The following C16orf96 variants were observed in gnomAD, a reference collection of about 807,000 sequenced individuals.
C16orf96 encodes chromosome 16 open reading frame 96.
In C16orf96, 108 loss-of-function variants were observed where a neutral mutation model predicts 103.6. The observed-to-expected ratio is 1.04, with a 90% CI of 0.89 to 1.22. The LOEUF (loss-of-function observed/expected upper bound fraction) is 1.22. C16orf96 is among the 50% of genes most tolerant of loss of function. C16orf96 has a pLI of 0.00. For missense variants in C16orf96, 1,586 were observed against 1,464.2 expected (o/e 1.08, Z -1.36); for synonymous variants, 566 against 593.5 (o/e 0.95, Z 0.67).
At chr16:4,563,035 G>A in intron 1 of C16orf96, 1 of 932,794 alleles carries the variant, frequency 1.1e-6, no homozygotes, top group Non-Finnish European at 1.7e-6. Flanking sequence ...CTGCTCCTCT[G>A]TCAGAAGATG....
chr16:4,599,202 AGACTGC>A, intron 14 of C16orf96, 76 bp from the exon 15 acceptor site: 1 of 1,231,184 alleles, frequency 8.1e-7, no homozygotes, highest in African/African-American at 1.5e-5. Context: ...CACCAGAGGG[AGACTGC>A]CCAGTGCTGG....
intron 7 of C16orf96, among the ~76,000 whole-genome samples, chr16:4,583,907 A>G (rs1896851536): frequency 7.4e-6 from 1 of 134,508 alleles, no homozygotes; most frequent in Non-Finnish European, 1.6e-5. Flanking sequence ...CCTGGGCGAG[A>G]GAGCAAGACT....
chr16:4,588,679 G>A (rs1428789324), intron 9 of C16orf96, among the ~76,000 whole-genome samples: 1 of 150,988 alleles, frequency 6.6e-6, no homozygotes, highest in Non-Finnish European at 1.5e-5. Context: ...GATCCAAGAG[G>A]GGAAGGAAGA....
At chr16:4,585,254 A>G (rs1008063850) in intron 7 of C16orf96, among the ~76,000 whole-genome samples, 1 of 146,742 alleles carries the variant, frequency 6.8e-6, no homozygotes, top group Non-Finnish European at 1.5e-5. Flanking sequence ...GGAGTTCCAG[A>G]TCAGCCTGAG....
At chr16:4,589,782 C>A (rs1417331974) in intron 9 of C16orf96, among the ~76,000 whole-genome samples, 1 of 152,058 alleles carries the variant, frequency 6.6e-6, no homozygotes, top group East Asian at 1.9e-4. Flanking sequence ...AATGTTATCA[C>A]ACTCAAATAT....
At chr16:4,540,170 A>G in the C16orf96 span, among the ~76,000 whole-genome samples, 1 of 152,186 alleles carries the variant, frequency 6.6e-6, no homozygotes, top group South Asian at 2.1e-4. Flanking sequence ...TTTGTTACAG[A>G]CAGTATACAA....
intron 1 of C16orf96, among the ~76,000 whole-genome samples, chr16:4,559,329 G>A: frequency 6.6e-6 from 1 of 152,000 alleles, no homozygotes; most frequent in East Asian, 1.9e-4. Flanking sequence ...GGTCACTTGA[G>A]GTCAGGAGTT....
chr16:4,550,543 C>T, the C16orf96 span, among the ~76,000 whole-genome samples: 397 of 152,348 alleles, frequency 2.6e-3, 3 homozygotes, highest in Non-Finnish European at 4.3e-3. Flanking sequence ...ATCATGTACT[C>T]ATTTTGGGAG....
chr16:4,544,781 G>C, the C16orf96 span, among the ~76,000 whole-genome samples: 14 of 152,162 alleles, frequency 9.2e-5, 1 homozygote, highest in Non-Finnish European at 5.9e-5. Context: ...GTTAGCCTCT[G>C]AGTGCTCTGG....
At chr16:4,541,542 C>A in the C16orf96 span, among the ~76,000 whole-genome samples, 1 of 152,184 alleles carries the variant, frequency 6.6e-6, no homozygotes, top group Non-Finnish European at 1.5e-5. Flanking sequence ...CCACTGCACT[C>A]CAGCCTGGGC....
intron 7 of C16orf96, among the ~76,000 whole-genome samples, chr16:4,584,524 T>G (rs1259909763): frequency 4.0e-5 from 6 of 150,444 alleles, no homozygotes; most frequent in Non-Finnish European, 8.9e-5. Flanking sequence ...ATTTTTGTGG[T>G]TTTTTTGGTT....
chr16:4,581,360 G>A (rs1193386920), intron 7 of C16orf96, among the ~76,000 whole-genome samples: 1 of 150,368 alleles, frequency 6.7e-6, no homozygotes, highest in Non-Finnish European at 1.5e-5. Flanking sequence ...AGGGCCAGGC[G>A]CGGTGGCTCA....
intron 5 of C16orf96, among the ~76,000 whole-genome samples, chr16:4,578,484 G>A (rs1251291738): frequency 6.6e-6 from 1 of 152,098 alleles, no homozygotes; most frequent in African/African-American, 2.4e-5. Context: ...AATAGGCCGG[G>A]TGCGGTAGCT....
intron 1 of C16orf96, among the ~76,000 whole-genome samples, chr16:4,562,088 T>C (rs1393717725): frequency 6.6e-6 from 1 of 152,186 alleles, no homozygotes; most frequent in Non-Finnish European, 1.5e-5. Context: ...CGCCACTGCA[T>C]TACAACTAAG....
intron 1 of C16orf96, among the ~76,000 whole-genome samples, chr16:4,570,960 G>A (rs1234956802): frequency 6.6e-6 from 1 of 152,128 alleles, no homozygotes; most frequent in Admixed American, 6.6e-5. Context: ...CTTGAGCTCA[G>A]GAATTCGAGA....
At chr16:4,546,161 CTT>C in the C16orf96 span, among the ~76,000 whole-genome samples, 39,158 of 133,820 alleles carry the variant, frequency 0.29, 7,009 homozygotes, top group African/African-American at 0.55. Flanking sequence ...TTCCTTCTTT[CTT>C]TTTTTTTTTT....
At chr16:4,557,795 G>A (rs916877373) in intron 1 of C16orf96, among the ~76,000 whole-genome samples, 2 of 151,882 alleles carry the variant, frequency 1.3e-5, no homozygotes, top group Admixed American at 6.6e-5. Context: ...TCAACCTCCC[G>A]AGTAACTGGG....
rs1405788577 is a variant in C16orf96, at chr16:4,587,132, C to G, written c.2427+19C>G. 7 of 1,548,230 alleles carry G rather than the reference C, an allele frequency of 4.5e-6. No homozygotes were observed. In the African/African-American group the frequency reaches 9.6e-5, roughly 21 times the overall value. On this transcript the variant is annotated intron_variant, in intron 8 of 15. Transcript: ENST00000444310. ...GAGAGAGGTGAGTGAGCAGAGGTTCCTCTGCCTTCCCTGCTCCCCTACCCA... is the reference window on the plus strand; with the variant it reads ...GAGAGAGGTGAGTGAGCAGAGGTTCGTCTGCCTTCCCTGCTCCCCTACCCA...
At position 4,593,240 on chromosome 16, in the gene C16orf96, C is replaced by T. The variant is rs573162090; in HGVS notation, c.2791C>T (p.Arg931Cys). Residue 931 changes from arginine (R) to cysteine (C), a missense_variant, in exon 12 of 16, where the codon CGC becomes TGC. Coordinates refer to ENST00000444310, the MANE Select transcript of C16orf96 (RefSeq NM_001145011.2). The surrounding 1 kb of genome is among the most constrained non-coding windows in gnomAD (Gnocchi z 4.2). ...CTCCAACAGACAGCTGATCACCATC[C>T]GCAAAGCCCACCTGCTGTCCCGGCT... ...MMTGPQLITIRKAHLLSRLRP... is the reference protein window; with the variant it reads ...MMTGPQLITICKAHLLSRLRP... 49 of 1,551,050 alleles carry T rather than the reference C, an allele frequency of 3.2e-5. 1 individual carries two copies. The highest frequency in any genetic ancestry group is 1.2e-4 in the South Asian group (10 of 84,032).
Sources: gnomAD v4.1 joint callset for allele counts (sites outside exome capture counted in the v4.1 genomes callset) on GRCh38, gnomAD v4.1.1 for gene constraint, Gnocchi (gnomAD v3.1) non-coding constraint, MANE v1.5 for transcripts, NCBI Gene and HGNC (gene_info 2026-07-23, HGNC 2026-07-21) for gene names.